ABCA8: variants seen among roughly 807,000 people sequenced by gnomAD.
ABCA8 encodes the protein ATP binding cassette subfamily A member 8.
In ABCA8, 177 loss-of-function variants were observed where a neutral mutation model predicts 192.3. That is an observed-to-expected ratio of 0.92 (90% confidence interval 0.81 to 1.04). The LOEUF is 1.04. Ranked by LOEUF, ABCA8 falls within the 50% of genes least tolerant of loss-of-function variation. The probability of loss-of-function intolerance (pLI) is 0.00; values close to 1 mark genes in which losing one functional copy is unlikely to be tolerated. For missense variants in ABCA8, 1,915 were observed against 1,904.8 expected, an observed-to-expected ratio of 1.01 and a Z score of -0.10; for synonymous variants, 642 against 690.2, an observed-to-expected ratio of 0.93 and a Z score of 1.09.
intron 17 of ABCA8, among the ~76,000 whole-genome samples, chr17:68,909,882 C>T (rs1232541350): frequency 2.6e-5 from 4 of 152,024 alleles, no homozygotes; most frequent in South Asian, 2.1e-4. Flanking sequence ...TTTACAAAAA[C>T]GACCAATCAT....
At chr17:68,951,535 T>C (rs2068568395) in intron 1 of ABCA8, among the ~76,000 whole-genome samples, 1 of 152,240 alleles carries the variant, frequency 6.6e-6, no homozygotes, top group Admixed American at 6.5e-5. Flanking sequence ...TTATATTTCC[T>C]AGATCAATCA....
intron 20 of ABCA8, 142 bp from the exon 21 acceptor site, chr17:68,903,021 TTTACTAACTCCAAATTC>T (rs2066954433): frequency 2.4e-6 from 2 of 828,362 alleles, no homozygotes; most frequent in African/African-American, 3.5e-5. Context: ...ATTTTGTCCT[TTTACTAACTCCAAATTC>T]AAGATGTTAA....
At chr17:68,917,004 T>G (rs2067387023) in intron 17 of ABCA8, among the ~76,000 whole-genome samples, 1 of 152,176 alleles carries the variant, frequency 6.6e-6, no homozygotes, top group South Asian at 2.1e-4. Context: ...GCGCGGTGGC[T>G]CACGCCTATA....
intron 33 of ABCA8, 118 bp from the exon 34 acceptor site, chr17:68,876,821 C>T (rs980708439): frequency 2.6e-5 from 32 of 1,218,902 alleles, no homozygotes; most frequent in East Asian, 4.8e-5. Context: ...TACATGTGGT[C>T]GGGGGGCAGG....
rs151272330 is a variant in ABCA8 at position 68,932,033 on chromosome 17, A to T, written c.797+255T>A. ...AGACCATCCTGGCTAACACGGTGAAACCCCGTCTCTACAGAAAATACAAAA... is the reference window on the plus strand; with the variant it reads ...AGACCATCCTGGCTAACACGGTGAATCCCCGTCTCTACAGAAAATACAAAA... On this transcript the variant is annotated intron_variant, in intron 7 of 39. Coordinates refer to ENST00000586539, the MANE Select transcript of ABCA8 (RefSeq NM_001288985.2). 1.9e-3 allele frequency: 559 copies of T among 287,898 alleles called. 4 individuals carry two copies. Among genetic ancestry groups the T allele is most frequent in the African/African-American group, 0.011 (535 of 46,844 alleles). The allele number at this position is 287,898 out of a possible 1,614,324, so 17.8% of individuals were successfully genotyped here.
At chr17:68,893,733 T>TC (rs1302710187) in intron 23 of ABCA8, among the ~76,000 whole-genome samples, 4 of 148,994 alleles carry the variant, frequency 2.7e-5, no homozygotes, top group Non-Finnish European at 4.4e-5. Flanking sequence ...TTTTTTTTTT[T>TC]TCCTTTTCTT....
At chr17:68,868,214 G>A (rs1222908661) in intron 39 of ABCA8, 31 bp from the exon 40 acceptor site, 1 of 1,607,296 alleles carries the variant, frequency 6.2e-7, no homozygotes, top group Non-Finnish European at 8.5e-7. Flanking sequence ...AAAGAGAGGA[G>A]AACAATGCCG....
In ABCA8 at chr17:68,929,633, T is replaced by A. The variant is rs376987031; in HGVS notation, c.867A>T (p.Arg289Ser). The A allele has an allele frequency of 5.0e-6, 8 of 1,613,606 alleles. No individual in the cohort carries two copies. In the African/African-American group the frequency reaches 5.3e-5, roughly 11 times the overall value. The change falls in exon 8 of 40, where the codon AGA becomes AGT. Residue 289 changes from arginine (R) to serine (S), a missense_variant. Coordinates refer to ENST00000586539, the MANE Select transcript of ABCA8 (RefSeq NM_001288985.2). ...CAGACAAAATGATAAACTGGGTAGA[T>A]CTTATAACAAGTGCCAAGAAAAGGG... ...IMALFLALVIRSTQFIILSGF... is the reference protein window; with the variant it reads ...IMALFLALVISSTQFIILSGF...
At chr17:68,876,041 A>G (rs1031242353) in intron 35 of ABCA8, among the ~76,000 whole-genome samples, 1 of 152,218 alleles carries the variant, frequency 6.6e-6, no homozygotes, top group African/African-American at 2.4e-5. Context: ...ACAGAATGAC[A>G]TAAAATTTAA....
At chr17:68,877,943 T>G (rs1354329447) in intron 32 of ABCA8, 2 of 348,196 alleles carry the variant, frequency 5.7e-6, no homozygotes, top group Non-Finnish European at 1.0e-5. Flanking sequence ...TGGCCAACAG[T>G]TTATATCCAT....
chr17:68,950,843 CT>C (rs1175751987), intron 1 of ABCA8, among the ~76,000 whole-genome samples: 3 of 152,096 alleles, frequency 2.0e-5, no homozygotes, highest in Non-Finnish European at 4.4e-5. Context: ...TGTGTCCACC[CT>C]TTGTCTGGTA....
chr17:68,917,534 T>C, intron 16 of ABCA8, 83 bp from the exon 17 acceptor site: 1 of 940,184 alleles, frequency 1.1e-6, no homozygotes, highest in Non-Finnish European at 1.6e-6. Flanking sequence ...ATCATCTATA[T>C]AATCAAACTT....
intron 2 of ABCA8, among the ~76,000 whole-genome samples, chr17:68,943,218 T>A (rs1365724290): frequency 6.6e-6 from 1 of 152,160 alleles, no homozygotes; most frequent in African/African-American, 2.4e-5. Context: ...TACATTGTCT[T>A]TTTAAAATGT....
rs114238573 is a variant in ABCA8, at chr17:68,891,845, C to A, written c.3037-249G>T. ...GGAAAATAATAAGAACAAGATTTTT[C>A]TCTTTTCTTGCTTTATGATTCTAAA... On this transcript the variant is annotated intron_variant, in intron 23 of 39. Coordinates refer to ENST00000586539, the MANE Select transcript of ABCA8 (RefSeq NM_001288985.2). 5.9e-3 allele frequency among the ~76,000 whole-genome samples: 896 copies of A among 152,220 alleles called. 11 individuals are homozygous for A. The highest frequency in any genetic ancestry group is 0.021 in the African/African-American group (858 of 41,534).
At chr17:68,894,824 T>C (rs2066704622) in intron 22 of ABCA8, 56 bp downstream of exon 22, 4 of 1,539,466 alleles carry the variant, frequency 2.6e-6, no homozygotes, top group Non-Finnish European at 3.5e-6. Flanking sequence ...CCTGAGTATA[T>C]TGATATTATG....
At chr17:68,941,687 T>C (rs1319958932) in intron 3 of ABCA8, among the ~76,000 whole-genome samples, 2 of 152,222 alleles carry the variant, frequency 1.3e-5, no homozygotes, top group African/African-American at 2.4e-5. Context: ...CATTGGCTTT[T>C]AAAACATGTA....
Position 68,940,978 on chromosome 17 carries a change from A to G in ABCA8, c.97-16T>C. The G allele has an allele frequency of 6.4e-7, 1 of 1,556,522 alleles. No individual in the cohort carries two copies. Among genetic ancestry groups the G allele is most frequent in the Non-Finnish European group, 8.8e-7 (1 of 1,135,890 alleles). ...TCAGCCATTCCTATATAATACAGGA[A>G]AAAAGATAAAGAAAAGTCTTATTTA... On this transcript the variant is annotated splice_polypyrimidine_tract_variant and intron_variant, in intron 3 of 39. Transcript: ENST00000586539.
Position 68,917,455 on chromosome 17 carries a change from A to G in ABCA8, c.2048-4T>C, listed in dbSNP as rs2067403231. 4 of 1,603,020 alleles carry G rather than the reference A, an allele frequency of 2.5e-6. No homozygotes were observed. The highest frequency in any genetic ancestry group is 3.4e-6 in the Non-Finnish European group (4 of 1,174,528). The stretch of plus-strand genomic sequence containing the variant: ...TGGGAGAGAAATACTTTCCTGTCTG[A>G]AAAAGAAGAAGAGCAAAGAAGAAAG... On this transcript the variant is annotated splice_polypyrimidine_tract_variant and splice_region_variant and intron_variant, in intron 16 of 39. Transcript: ENST00000586539.
intron 12 of ABCA8, 119 bp downstream of exon 12, chr17:68,922,123 T>G (rs779845635): frequency 1.0e-5 from 7 of 701,248 alleles, no homozygotes; most frequent in Non-Finnish European, 1.4e-5. Context: ...CACTAATTAA[T>G]CACCGAAAGC....
Sources: gnomAD v4.1 joint callset for allele counts (sites outside exome capture counted in the v4.1 genomes callset) on GRCh38, gnomAD v4.1.1 for gene constraint, MANE v1.5 for transcripts, NCBI Gene and HGNC (gene_info 2026-07-23, HGNC 2026-07-21) for gene names.